Variants in HDAC5 observed in about 807,000 individuals in gnomAD.
HDAC5 encodes the protein histone deacetylase 5.
In HDAC5, 25 loss-of-function variants were observed where a neutral mutation model predicts 133.3. The ratio of observed to expected loss-of-function variants is 0.19; its 90% CI spans 0.14 to 0.26. The LOEUF is 0.26. Among genes scored for constraint, HDAC5 ranks in the 10% least tolerant of loss-of-function variants. The pLI is 1.00. For synonymous variants in HDAC5, 589 were observed against 610.8 expected (o/e 0.96, Z 0.53); for missense variants, 1,041 against 1,460.5 (o/e 0.71, Z 4.68).
At chr17:44,108,555 C>T (rs1204797404) in intron 3 of HDAC5, among the ~76,000 whole-genome samples, 1 of 152,046 alleles carries the variant, frequency 6.6e-6, no homozygotes, top group East Asian at 1.9e-4. Flanking sequence ...TCCAAAGAAG[C>T]TTCCCTGGAC....
chr17:44,092,823 G>GAAC lies in HDAC5; in HGVS notation c.642-18_642-17insGTT. ...TGGGCTCCCCTGGGGTGGGGGGGGG[G>GAAC]TGGGGATGGAAGCAGATCTAGGTTA... On this transcript the variant is annotated splice_polypyrimidine_tract_variant and intron_variant, in intron 6 of 26. Transcript: ENST00000682912. 1.5e-6 allele frequency: 1 copy of GAAC among 666,256 alleles called. No individual in the cohort carries two copies. The allele number at this position is 666,256 out of a possible 1,614,324, so 41.3% of individuals were successfully genotyped here.
intron 1 of HDAC5, chr17:44,120,654 A>C (rs2052930860): frequency 6.6e-6 from 1 of 152,010 alleles, no homozygotes; most frequent in Non-Finnish European, 1.5e-5. Flanking sequence ...AGGCAGGAGA[A>C]TCACTCGAAC....
At chr17:44,120,226 T>C (rs751537296) in intron 1 of HDAC5, 13 of 152,276 alleles carry the variant, frequency 8.5e-5, no homozygotes, top group Admixed American at 5.9e-4. Flanking sequence ...GTAGAGATCT[T>C]GTTCCTCAAA....
At chr17:44,094,711 T>G (rs2051151537) in intron 3 of HDAC5, among the ~76,000 whole-genome samples, 2 of 150,494 alleles carry the variant, frequency 1.3e-5, no homozygotes, top group African/African-American at 4.8e-5. Context: ...ATTTTATGTA[T>G]CTGTGTGTGT....
At chr17:44,079,008 T>C (rs2050251795) in intron 24 of HDAC5, 129 bp from the exon 25 acceptor site, 4 of 1,503,850 alleles carry the variant, frequency 2.7e-6, no homozygotes, top group Non-Finnish European at 3.7e-6. Context: ...GACAAACGCA[T>C]ACTCAGAAAG....
Position 44,080,842 on chromosome 17 carries a change from T to C in HDAC5, c.2648A>G (p.Asn883Ser), listed in dbSNP as rs1474838208. The change falls in exon 21 of 27, where the codon AAT (asparagine) becomes AGT (serine). Residue 883 changes from asparagine to serine, a missense_variant. By Grantham distance (46) the Asn-to-Ser change is conservative. Around this residue, in one of 9 missense-constraint regions of HDAC5, gnomAD observed 174 missense variants for 352.7 expected, o/e 0.49. Transcript: ENST00000682912. Reference sequence around the variant, plus strand: ...AGAGATGTAGAGCACAGAGGGGTCATTGTAGAACGCCTGCTGGGTGCCATT... The same window carrying C: ...AGAGATGTAGAGCACAGAGGGGTCACTGTAGAACGCCTGCTGGGTGCCATT... ...HGNGTQQAFY[N>S]DPSVLYISLH... 1.2e-5 allele frequency: 19 copies of C among 1,614,164 alleles called. No homozygotes were observed. Among genetic ancestry groups the C allele is most frequent in the Admixed American group, 1.7e-5 (1 of 60,028 alleles).
At chr17:44,087,278 T>G in intron 13 of HDAC5, 134 bp downstream of exon 13, 1 of 616,930 alleles carries the variant, frequency 1.6e-6, no homozygotes, top group Non-Finnish European at 3.0e-6. Context: ...ACTCCCCTTT[T>G]GCTCTCTACA....
chr17:44,123,111 G>C (rs1194429073), intron 1 of HDAC5: 5 of 167,792 alleles, frequency 3.0e-5, no homozygotes, highest in African/African-American at 1.2e-4. Context: ...AGCGAAGAGG[G>C]GTCTGCACAG....
chr17:44,092,437 G>A lies in HDAC5; in HGVS notation c.863C>T (p.Thr288Ile), dbSNP rs763303971. Reference protein sequence around the residue: ...SSPLLRRKDGTVISTFKKRAV... With the variant: ...SSPLLRRKDGIVISTFKKRAV... Reference sequence around the variant, plus strand: ...TCTCTTCTTAAAGGTGCTAATAACAGTCCCATCCTTGCGACGCAGGAGGGG... The same window carrying A: ...TCTCTTCTTAAAGGTGCTAATAACAATCCCATCCTTGCGACGCAGGAGGGG... The change falls in exon 8 of 27, where the codon ACT becomes ATT. Residue 288 changes from threonine to isoleucine, a missense_variant. Physicochemically the swap from Thr to Ile is moderately conservative, Grantham distance 89 (BLOSUM62 -1). Transcript: ENST00000682912. The A allele has an allele frequency of 6.2e-7, 1 of 1,614,020 alleles. No individual in the cohort carries two copies. Among genetic ancestry groups the A allele is most frequent in the Non-Finnish European group, 8.5e-7 (1 of 1,179,972 alleles).
At chr17:44,102,970 G>A (rs936816737) in intron 3 of HDAC5, among the ~76,000 whole-genome samples, 3 of 152,090 alleles carry the variant, frequency 2.0e-5, no homozygotes, top group African/African-American at 4.8e-5. Context: ...CCCGGCCCAG[G>A]TTCCCTTTAT....
chr17:44,087,351 G>A (rs980371075), intron 13 of HDAC5, 61 bp downstream of exon 13: 6 of 713,790 alleles, frequency 8.4e-6, no homozygotes, highest in Non-Finnish European at 1.3e-5. Flanking sequence ...AAGGGCAGAG[G>A]CAGGGGTGGA....
At chr17:44,097,294 CTCT>C (rs914147461) in intron 3 of HDAC5, among the ~76,000 whole-genome samples, 16 of 152,266 alleles carry the variant, frequency 1.1e-4, no homozygotes, top group African/African-American at 3.6e-4. Context: ...CCCCACCAGC[CTCT>C]TCTCCCCCAG....
intron 2 of HDAC5, chr17:44,111,419 G>C: frequency 2.6e-6 from 1 of 383,252 alleles, no homozygotes. Flanking sequence ...CCTGCACTCA[G>C]GGCCAAGGCC....
Position 44,123,291 on chromosome 17 carries a change from G to T in HDAC5, c.-190+213C>A, listed in dbSNP as rs1309805704. Reference sequence around the variant, plus strand: ...CGCCCCTGTCTGGGAGGGGCAGGGAGGGGCGCGCGCAGCAACCCCGATGTC... The same window carrying T: ...CGCCCCTGTCTGGGAGGGGCAGGGATGGGCGCGCGCAGCAACCCCGATGTC... On this transcript the variant is annotated intron_variant, in intron 1 of 26. Coordinates refer to ENST00000682912, the MANE Select transcript of HDAC5 (RefSeq NM_005474.5). 8 of 318,590 alleles carry T rather than the reference G, an allele frequency of 2.5e-5. No individual in the cohort carries two copies. In the East Asian group the frequency reaches 4.0e-4, roughly 16 times the overall value. The allele number at this position is 318,590 out of a possible 1,614,324, so 19.7% of individuals were successfully genotyped here.
chr17:44,121,121 A>G lies in HDAC5; in HGVS notation c.-190+2383T>C, dbSNP rs28621951. On this transcript the variant is annotated intron_variant, in intron 1 of 26. Coordinates refer to ENST00000682912, the MANE Select transcript of HDAC5 (RefSeq NM_005474.5). The stretch of plus-strand genomic sequence containing the variant: ...TTCTAGAAAAAAAAAAAAAAAAAAA[A>G]AGAGAGGGGGGTGGTGAGAGGGGAG... 9.8e-4 allele frequency among the ~76,000 whole-genome samples: 147 copies of G among 149,926 alleles called. 1 individual carries two copies. Among genetic ancestry groups the G allele is most frequent in the South Asian group, 4.7e-3 (22 of 4,660 alleles).
intron 13 of HDAC5, among the ~76,000 whole-genome samples, chr17:44,087,169 C>G (rs936264189): frequency 1.3e-5 from 2 of 151,678 alleles, no homozygotes; most frequent in African/African-American, 4.8e-5. Flanking sequence ...AGAGGCAGGC[C>G]AGTATCACAG....
intron 1 of HDAC5, among the ~76,000 whole-genome samples, chr17:44,121,584 C>T (rs1223005876): frequency 6.6e-6 from 1 of 151,852 alleles, no homozygotes; most frequent in Admixed American, 6.6e-5. Flanking sequence ...ACTGCACTAC[C>T]CCCAGCTCCT....
chr17:44,085,205 C>T, intron 14 of HDAC5, 50 bp from the exon 15 acceptor site: 1 of 1,501,420 alleles, frequency 6.7e-7, no homozygotes, highest in Non-Finnish European at 9.0e-7. Context: ...GCCCAGGATC[C>T]CAGCCTGGCT....
chr17:44,104,561 C>A lies in HDAC5; in HGVS notation c.94+6168G>T, dbSNP rs375118933. ...TGCAGCCAGCGGCTGGGTGTCGATG[C>A]CAGAGGAGGAATCTCTGAGAGCAGC... On this transcript the variant is annotated intron_variant, in intron 3 of 26. Coordinates refer to ENST00000682912, the MANE Select transcript of HDAC5 (RefSeq NM_005474.5). Among the ~76,000 whole-genome samples the A allele has an allele frequency of 4.7e-4, 72 of 152,262 alleles. No individual in the cohort carries two copies. In the South Asian group the frequency reaches 0.015, roughly 31 times the overall value.
Sources: allele counts gnomAD v4.1 joint callset (sites outside exome capture counted in the v4.1 genomes callset), GRCh38; gene constraint gnomAD v4.1.1; regional missense constraint gnomAD v4.1.1; transcripts MANE v1.5; gene names NCBI Gene and HGNC (gene_info 2026-07-23, HGNC 2026-07-21).